Variants in RSPO3 observed in about 807,000 individuals in gnomAD.
RSPO3 encodes R-spondin 3, also known as R-spondin-3.
In RSPO3, 17 loss-of-function variants were observed where a neutral mutation model predicts 36.5. The observed-to-expected ratio is 0.47, with a 90% CI of 0.32 to 0.70. The LOEUF (loss-of-function observed/expected upper bound fraction) is 0.70. Ranked by LOEUF, RSPO3 falls within the 30% of genes least tolerant of loss-of-function variation. The pLI is 0.04. For synonymous variants in RSPO3, 108 were observed against 107.0 expected (o/e 1.01, Z -0.06); for missense variants, 294 against 322.5 (o/e 0.91, Z 0.68).
At chr6:127,142,499 C>T (rs566135086) in intron 1 of RSPO3, among the ~76,000 whole-genome samples, 6 of 152,252 alleles carry the variant, frequency 3.9e-5, no homozygotes, top group Non-Finnish European at 5.9e-5. Flanking sequence ...AATGTGACTT[C>T]GTACTAATCA....
At chr6:127,160,249 G>C (rs1315607790) in intron 4 of RSPO3, among the ~76,000 whole-genome samples, 1 of 152,070 alleles carries the variant, frequency 6.6e-6, no homozygotes, top group Admixed American at 6.6e-5. Flanking sequence ...GTTTCTTATG[G>C]ATTGACAGTT....
intron 4 of RSPO3, among the ~76,000 whole-genome samples, chr6:127,173,922 C>T (rs1183551400): frequency 1.3e-5 from 2 of 151,812 alleles, no homozygotes; most frequent in African/African-American, 2.4e-5. Context: ...GGCTGTTAAC[C>T]GAATAAGAGT....
intron 1 of RSPO3, among the ~76,000 whole-genome samples, chr6:127,134,847 G>A (rs183628631): frequency 1.5e-4 from 23 of 152,220 alleles, no homozygotes; most frequent in Admixed American, 7.9e-4. Flanking sequence ...AGATCAAAAT[G>A]ACATAGTCAG....
At chr6:127,151,251 C>T (rs932902422) in intron 3 of RSPO3, among the ~76,000 whole-genome samples, 3 of 151,890 alleles carry the variant, frequency 2.0e-5, no homozygotes, top group African/African-American at 7.3e-5. Context: ...GTCCCTGGGG[C>T]TGATTAATTG....
At chr6:127,166,230 A>C (rs550365523) in intron 4 of RSPO3, among the ~76,000 whole-genome samples, 79 of 152,102 alleles carry the variant, frequency 5.2e-4, no homozygotes, top group Admixed American at 1.1e-3. Context: ...CATCTTTTTA[A>C]TAGCTGCAAA....
chr6:127,143,800 A>G lies in RSPO3; in HGVS notation c.98-4848A>G, dbSNP rs6915792. Among the ~76,000 whole-genome samples the G allele has an allele frequency of 4.7e-3, 713 of 152,304 alleles. 5 individuals are homozygous for G. Among genetic ancestry groups the G allele is most frequent in the African/African-American group, 0.016 (662 of 41,584 alleles). ...GCAAATGCTTGAAGCTTGCATTTAA[A>G]TTGTCACAGAAACAGAATTTAGTTC... On this transcript the variant is annotated intron_variant, in intron 1 of 4. Transcript: ENST00000356698.
At chr6:127,122,057 T>C (rs1203200698) in intron 1 of RSPO3, among the ~76,000 whole-genome samples, 1 of 152,202 alleles carries the variant, frequency 6.6e-6, no homozygotes. Context: ...AGAACATTCA[T>C]TTGAAGTGTT....
chr6:127,150,438 A>T lies in RSPO3; in HGVS notation c.302A>T (p.Asp101Val). The T allele has an allele frequency of 6.2e-7, 1 of 1,611,382 alleles. No individual in the cohort carries two copies. Among genetic ancestry groups the T allele is most frequent in the Non-Finnish European group, 8.5e-7 (1 of 1,178,848 alleles). The stretch of plus-strand genomic sequence containing the variant: ...TTTTCTCTTTCAGAATGCAAAGCTG[A>T]CTGTGATACCTGTTTCAACAAAAAT... ...DINKCTKCKA[D>V]CDTCFNKNFC... The change falls in exon 3 of 5, where the codon GAC becomes GTC. Residue 101 changes from aspartate to valine, a missense_variant. Asp to Val is a radical substitution (Grantham distance 152). This residue lies in a region of RSPO3 where 43 missense variants were observed against 86.0 expected (regional missense o/e 0.50). Coordinates refer to ENST00000356698, the MANE Select transcript of RSPO3 (RefSeq NM_032784.5).
chr6:127,164,506 T>A (rs752390019), intron 4 of RSPO3, among the ~76,000 whole-genome samples: 1 of 152,092 alleles, frequency 6.6e-6, no homozygotes, highest in Non-Finnish European at 1.5e-5. Context: ...ATTTTAACTA[T>A]TTTTTTCTAG....
Position 127,119,048 on chromosome 6 carries a change from C to T in RSPO3, c.-145C>T. The T allele has an allele frequency of 1.8e-6, 1 of 565,394 alleles. No individual in the cohort carries two copies. The highest frequency in any genetic ancestry group is 3.1e-6 in the Non-Finnish European group (1 of 324,790). 35.0% of individuals were successfully genotyped at this position (565,394 alleles called of 1,614,324 possible). On this transcript the variant is annotated 5_prime_UTR_variant, in exon 1 of 5. Coordinates refer to ENST00000356698, the MANE Select transcript of RSPO3 (RefSeq NM_032784.5). The stretch of plus-strand genomic sequence containing the variant: ...CGCCCCACTTCGCTTGCCATCACAG[C>T]ACGCCTATCGGATGTGAGAGGAGAA...
chr6:127,140,230 A>G (rs1277101038), intron 1 of RSPO3, among the ~76,000 whole-genome samples: 1 of 152,202 alleles, frequency 6.6e-6, no homozygotes, highest in Non-Finnish European at 1.5e-5. Flanking sequence ...CAATTTAGAA[A>G]AATACAAGAA....
At chr6:127,125,683 G>A (rs767498614) in intron 1 of RSPO3, among the ~76,000 whole-genome samples, 1 of 152,108 alleles carries the variant, frequency 6.6e-6, no homozygotes, top group Non-Finnish European at 1.5e-5. Flanking sequence ...AAAGGTTAAC[G>A]AGTAAGTGAT....
chr6:127,134,561 A>T (rs1774116354), intron 1 of RSPO3, among the ~76,000 whole-genome samples: 1 of 152,212 alleles, frequency 6.6e-6, no homozygotes. Context: ...ATATATGTCA[A>T]CAAGTTATTT....
intron 4 of RSPO3, among the ~76,000 whole-genome samples, chr6:127,180,487 C>CA (rs71543112): frequency 0.067 from 2,850 of 42,766 alleles, 164 homozygotes; most frequent in Non-Finnish European, 0.095. Flanking sequence ...TGGAAGAAAA[C>CA]AAAAAAAAAA....
chr6:127,144,451 CTACT>C lies in RSPO3; in HGVS notation c.98-4191_98-4188del. ...TCAAAATAAATGATTATGATAGCTT[CTACT>C]TACTTGTATCATAAGGCAATTACCA... On this transcript the variant is annotated intron_variant, in intron 1 of 4. Coordinates refer to ENST00000356698, the MANE Select transcript of RSPO3 (RefSeq NM_032784.5). Among the ~76,000 whole-genome samples the C allele has an allele frequency of 1.3e-5, 2 of 152,088 alleles. 1 individual carries two copies. Among genetic ancestry groups the C allele is most frequent in the Admixed American group, 1.3e-4 (2 of 15,262 alleles).
chr6:127,176,567 A>G (rs1170503010), intron 4 of RSPO3, among the ~76,000 whole-genome samples: 1 of 151,348 alleles, frequency 6.6e-6, no homozygotes, highest in Non-Finnish European at 1.5e-5. Flanking sequence ...AAACAAATAC[A>G]AAGAATAAGC....
intron 4 of RSPO3, among the ~76,000 whole-genome samples, chr6:127,157,763 G>A (rs1774623464): frequency 6.6e-6 from 1 of 151,534 alleles, no homozygotes; most frequent in Admixed American, 6.6e-5. Context: ...ATTTTTCAAG[G>A]TGTTTGTCAA....
intron 1 of RSPO3, among the ~76,000 whole-genome samples, chr6:127,125,742 T>C (rs148774928): frequency 6.6e-6 from 1 of 152,276 alleles, no homozygotes; most frequent in Non-Finnish European, 1.5e-5. Context: ...TTCACATTTT[T>C]TATTGTCTGA....
At chr6:127,189,812 G>A (rs1218257914) in intron 4 of RSPO3, among the ~76,000 whole-genome samples, 2 of 152,112 alleles carry the variant, frequency 1.3e-5, no homozygotes, top group East Asian at 1.9e-4. Flanking sequence ...TAGAATTCGT[G>A]TGTAACCTAC....
Sources: allele counts gnomAD v4.1 joint callset (sites outside exome capture counted in the v4.1 genomes callset), GRCh38; gene constraint gnomAD v4.1.1; regional missense constraint gnomAD v4.1.1; transcripts MANE v1.5; gene names NCBI Gene and HGNC (gene_info 2026-07-23, HGNC 2026-07-21).